The following TMEM178B variants were observed in gnomAD, a reference collection of about 807,000 sequenced individuals.
TMEM178B encodes the protein transmembrane protein 178B.
Under a neutral mutation model 31.0 loss-of-function variants are expected in TMEM178B, and 5 were observed. The observed-to-expected ratio is 0.16, with a 90% CI of 0.08 to 0.34. The LOEUF (loss-of-function observed/expected upper bound fraction) is 0.34, where lower values mean the gene tolerates loss of function less well. Among genes scored for constraint, TMEM178B ranks in the 10% least tolerant of loss-of-function variants. The pLI, the probability that TMEM178B is intolerant of heterozygous loss-of-function variation, is 1.00. For synonymous variants in TMEM178B, 164 were observed against 164.0 expected (o/e 1.00, Z 0.00); for missense variants, 275 against 400.3 (o/e 0.69, Z 2.67).
intron 3 of TMEM178B, among the ~76,000 whole-genome samples, chr7:141,440,369 T>C (rs1801635216): frequency 6.6e-6 from 1 of 152,164 alleles, no homozygotes; most frequent in Admixed American, 6.5e-5. Context: ...GGGACCCCAC[T>C]CCAGACCCAT....
intron 2 of TMEM178B, among the ~76,000 whole-genome samples, chr7:141,381,891 C>G (rs896439997): frequency 1.3e-5 from 2 of 152,140 alleles, no homozygotes; most frequent in African/African-American, 4.8e-5. Flanking sequence ...CCTCAGAGAT[C>G]CATTTGTTCA....
At chr7:141,378,968 G>A (rs1800266080) in intron 2 of TMEM178B, among the ~76,000 whole-genome samples, 2 of 152,162 alleles carry the variant, frequency 1.3e-5, no homozygotes, top group Non-Finnish European at 2.9e-5. Context: ...ACAGCAGTCT[G>A]TTTCACGGTG....
chr7:141,506,975 A>G, the TMEM178B span, among the ~76,000 whole-genome samples: 1 of 152,198 alleles, frequency 6.6e-6, no homozygotes, highest in Non-Finnish European at 1.5e-5. Context: ...TAAAGCTCCA[A>G]AATGATCTCC....
chr7:141,385,597 G>A (rs1432953380), intron 2 of TMEM178B, among the ~76,000 whole-genome samples: 3 of 152,172 alleles, frequency 2.0e-5, no homozygotes, highest in Non-Finnish European at 4.4e-5. Flanking sequence ...TTAGCAAACA[G>A]TGTTTCCCAT....
chr7:141,147,649 G>A (rs984542315), intron 1 of TMEM178B, among the ~76,000 whole-genome samples: 5 of 152,144 alleles, frequency 3.3e-5, no homozygotes, highest in Admixed American at 6.5e-5. Context: ...TGGGGAGAAG[G>A]AAAGGAAGTC....
the TMEM178B span, among the ~76,000 whole-genome samples, chr7:141,500,719 G>A: frequency 4.6e-5 from 7 of 152,268 alleles, no homozygotes; most frequent in African/African-American, 1.7e-4. Context: ...TTGCCTGACA[G>A]TTTGACAGCC....
chr7:141,217,585 G>A (rs983818191), intron 2 of TMEM178B, among the ~76,000 whole-genome samples: 1 of 152,052 alleles, frequency 6.6e-6, no homozygotes, highest in African/African-American at 2.4e-5. Context: ...CTTTACTTCA[G>A]CCTGGGTGAC....
At chr7:141,480,626 A>G (rs529620168), downstream of TMEM178B, among the ~76,000 whole-genome samples, 23 of 152,266 alleles carry the variant, frequency 1.5e-4, no homozygotes, top group Non-Finnish European at 2.8e-4. Context: ...TCAGAAGAGA[A>G]AAAGAGGGAA....
chr7:141,244,625 G>A (rs1001381461), intron 2 of TMEM178B, among the ~76,000 whole-genome samples: 5 of 152,206 alleles, frequency 3.3e-5, no homozygotes, highest in Admixed American at 6.5e-5. Flanking sequence ...TTTGAAGCAC[G>A]TAGAGTCTGT....
chr7:141,242,293 T>C (rs1175264574), intron 2 of TMEM178B, among the ~76,000 whole-genome samples: 1 of 152,196 alleles, frequency 6.6e-6, no homozygotes, highest in Admixed American at 6.5e-5. Context: ...TAAAATTACA[T>C]CAAAGTCGAA....
At chr7:141,167,453 C>T (rs543681572) in intron 1 of TMEM178B, among the ~76,000 whole-genome samples, 2 of 152,356 alleles carry the variant, frequency 1.3e-5, no homozygotes, top group East Asian at 3.9e-4. Flanking sequence ...GCCCTCCTGC[C>T]AGTTCGTTGC....
chr7:141,096,867 C>G (rs1010934817), intron 1 of TMEM178B, among the ~76,000 whole-genome samples: 4 of 152,112 alleles, frequency 2.6e-5, no homozygotes, highest in Admixed American at 2.0e-4. Context: ...GCAGAAGGAT[C>G]ACTCGAGCCC....
intron 3 of TMEM178B, among the ~76,000 whole-genome samples, chr7:141,468,467 C>G (rs1016862583): frequency 1.3e-5 from 2 of 152,204 alleles, no homozygotes; most frequent in African/African-American, 4.8e-5. Context: ...ACTGCAGGCT[C>G]TGGAACTAGC....
chr7:141,320,210 G>A (rs1475904931), intron 2 of TMEM178B, among the ~76,000 whole-genome samples: 1 of 152,148 alleles, frequency 6.6e-6, no homozygotes, highest in East Asian at 1.9e-4. Context: ...CCCCAGCCAT[G>A]TGGAAATGTG....
intron 1 of TMEM178B, among the ~76,000 whole-genome samples, chr7:141,086,897 G>A (rs1794797078): frequency 6.6e-6 from 1 of 151,898 alleles, no homozygotes; most frequent in African/African-American, 2.4e-5. Flanking sequence ...CATGTTGGCC[G>A]GGCTCTTATC....
intron 1 of TMEM178B, among the ~76,000 whole-genome samples, chr7:141,181,694 A>G (rs914730357): frequency 1.3e-5 from 2 of 152,260 alleles, no homozygotes; most frequent in Non-Finnish European, 2.9e-5. Context: ...ACCACGAGCT[A>G]GGACCAGGAG....
chr7:141,465,175 G>T (rs906119043), intron 3 of TMEM178B, among the ~76,000 whole-genome samples: 2 of 152,164 alleles, frequency 1.3e-5, no homozygotes, highest in Non-Finnish European at 2.9e-5. Context: ...CCATAGAGGG[G>T]ATGCATACGG....
intron 2 of TMEM178B, among the ~76,000 whole-genome samples, chr7:141,420,195 C>T (rs541399448): frequency 6.6e-6 from 1 of 152,130 alleles, no homozygotes; most frequent in East Asian, 1.9e-4. Flanking sequence ...TATCACTGCC[C>T]CCCCCCACTA....
At chr7:141,135,463 A>G (rs890544623) in intron 1 of TMEM178B, among the ~76,000 whole-genome samples, 2 of 152,220 alleles carry the variant, frequency 1.3e-5, no homozygotes, top group African/African-American at 4.8e-5. Flanking sequence ...GTTCTCCAGA[A>G]TAGGCTGTAT....
Sources: allele counts gnomAD v4.1 joint callset (sites outside exome capture counted in the v4.1 genomes callset), GRCh38; gene constraint gnomAD v4.1.1; transcripts MANE v1.5; gene names NCBI Gene and HGNC (gene_info 2026-07-23, HGNC 2026-07-21).